Variants in TMEM106A observed in about 807,000 individuals in gnomAD.
TMEM106A encodes the protein transmembrane protein 106A.
Under a neutral mutation model 25.1 loss-of-function variants are expected in TMEM106A, and 22 were observed. The observed-to-expected ratio is 0.88, with a 90% CI of 0.63 to 1.25. TMEM106A has a LOEUF of 1.25. TMEM106A is among the 50% of genes most tolerant of loss of function. TMEM106A has a pLI of 0.00. For missense variants in TMEM106A, 275 were observed against 318.1 expected, an observed-to-expected ratio of 0.86 and a Z score of 1.03; for synonymous variants, 104 against 129.9, an observed-to-expected ratio of 0.80 and a Z score of 1.35.
intron 7 of TMEM106A, 138 bp downstream of exon 7, chr17:43,216,878 A>C: frequency 8.7e-7 from 1 of 1,145,236 alleles, no homozygotes. Flanking sequence ...AGAATGTAAT[A>C]AGCAAGGGTT....
rs546723157 is a variant in TMEM106A at position 43,219,471 on chromosome 17, T to C, written c.*1670T>C. 3 of 151,992 alleles carry C rather than the reference T, an allele frequency of 2.0e-5. No homozygotes were observed. The highest frequency in any genetic ancestry group is 2.9e-5 in the Non-Finnish European group (2 of 68,030). The allele number at this position is 151,992 out of a possible 1,614,324, so 9.4% of individuals were successfully genotyped here. A position where few individuals can be genotyped will look rare whatever the true frequency, so the allele number is the denominator to read the frequency against. ...TCTTACAGCTGGGTGCAGTGGTATA[T>C]ACCTGTAGTCCCAGCTACTCAGGAA... is the stretch of plus-strand genomic sequence containing the variant. On this transcript the variant is annotated 3_prime_UTR_variant, in exon 9 of 9. Coordinates refer to ENST00000612339, the MANE Select transcript of TMEM106A (RefSeq NM_145041.4).
chr17:43,215,251 G>GA (rs970224468), intron 4 of TMEM106A, among the ~76,000 whole-genome samples: 79 of 145,220 alleles, frequency 5.4e-4, no homozygotes, highest in African/African-American at 1.4e-3. Context: ...TCAAAAAAAA[G>GA]AAAAAAAAAA....
Position 43,219,732 on chromosome 17 carries a change from CAAA to C in TMEM106A, c.*1948_*1950del, listed in dbSNP as rs3051096. 10 of 110,172 alleles carry C rather than the reference CAAA, an allele frequency of 9.1e-5. No homozygotes were observed. Among genetic ancestry groups the C allele is most frequent in the Non-Finnish European group, 1.0e-4 (6 of 57,920 alleles). The allele number at this position is 110,172 out of a possible 1,614,324, so 6.8% of individuals were successfully genotyped here. A position where few individuals can be genotyped will look rare whatever the true frequency, so the allele number is the denominator to read the frequency against. ...GGGCAACAAGGGCGAGACTCTGTCTCAAAAAAAAAAAAAAAAAAAGATGGCTGT... is the reference window on the plus strand; with the variant it reads ...GGGCAACAAGGGCGAGACTCTGTCTCAAAAAAAAAAAAAAAAGATGGCTGT... On this transcript the variant is annotated 3_prime_UTR_variant, in exon 9 of 9. Transcript: ENST00000612339.
rs886771383 is a variant in TMEM106A, at chr17:43,218,134, T to G, written c.*333T>G. 1.6e-5 allele frequency: 4 copies of G among 254,144 alleles called. No homozygotes were observed. Among genetic ancestry groups the G allele is most frequent in the African/African-American group, 9.1e-5 (4 of 43,764 alleles). 15.7% of individuals were successfully genotyped at this position (254,144 alleles called of 1,614,324 possible). A position where few individuals can be genotyped will look rare whatever the true frequency, so the allele number is the denominator to read the frequency against. On this transcript the variant is annotated 3_prime_UTR_variant, in exon 9 of 9. Transcript: ENST00000612339. ...CCTGGGCTCAAGCGATCCTCCCTTCTTGGCCTCCCAAAGCACTTGGATTAC... is the reference window on the plus strand; with the variant it reads ...CCTGGGCTCAAGCGATCCTCCCTTCGTGGCCTCCCAAAGCACTTGGATTAC...
intron 7 of TMEM106A, 114 bp downstream of exon 7, chr17:43,216,854 C>A: frequency 7.2e-7 from 1 of 1,380,580 alleles, no homozygotes; most frequent in Non-Finnish European, 1.0e-6. Context: ...ATCTGGCCTG[C>A]CCTCCCATGG....
chr17:43,215,656 G>T (rs2057477866), intron 4 of TMEM106A, 132 bp from the exon 5 acceptor site: 1 of 945,078 alleles, frequency 1.1e-6, no homozygotes, highest in Non-Finnish European at 1.6e-6. Context: ...CACATCTGGG[G>T]AGCTAAATGT....
At chr17:43,217,214 C>T (rs1368093475) in intron 7 of TMEM106A, 45 bp from the exon 8 acceptor site, 2 of 1,604,602 alleles carry the variant, frequency 1.2e-6, no homozygotes, top group East Asian at 2.2e-5. Context: ...TGACAGGCTG[C>T]TCCATGTGAC....
chr17:43,217,852 C>T lies in TMEM106A; in HGVS notation c.*51C>T, dbSNP rs771216071. On this transcript the variant is annotated 3_prime_UTR_variant, in exon 9 of 9. Coordinates refer to ENST00000612339, the MANE Select transcript of TMEM106A (RefSeq NM_145041.4). ...GCACCTGCAACCCTGGTCTATATCT[C>T]CCACAACTCCCTGGTGACTAAGGAA... is the stretch of plus-strand genomic sequence containing the variant. 3 of 1,610,158 alleles carry T rather than the reference C, an allele frequency of 1.9e-6. No homozygotes were observed. Among genetic ancestry groups the T allele is most frequent in the South Asian group, 2.2e-5 (2 of 90,486 alleles).
At chr17:43,216,411 C>A (rs758876023) in intron 5 of TMEM106A, 38 bp from the exon 6 acceptor site, 1 of 1,605,838 alleles carries the variant, frequency 6.2e-7, no homozygotes, top group South Asian at 1.1e-5. Flanking sequence ...TAAGGATGGG[C>A]CATCTTCACT....
At chr17:43,213,934 T>C in intron 4 of TMEM106A, 43 bp downstream of exon 4, 1 of 1,589,790 alleles carries the variant, frequency 6.3e-7, no homozygotes, top group Non-Finnish European at 8.6e-7. Context: ...CCATTGCCCC[T>C]GGGGGCTGCT....
At chr17:43,212,134 G>GC (rs1263937628) in intron 1 of TMEM106A, 93 bp from the exon 2 acceptor site, 4 of 152,636 alleles carry the variant, frequency 2.6e-5, no homozygotes, top group Non-Finnish European at 4.4e-5. Flanking sequence ...CCATGGCAGA[G>GC]CCCCCATGTA....
chr17:43,217,574 G>C, intron 8 of TMEM106A, 107 bp from the exon 9 acceptor site: 5 of 1,534,256 alleles, frequency 3.3e-6, no homozygotes, highest in Admixed American at 2.0e-5. Flanking sequence ...GAGCCAGAGG[G>C]AAGGGCAAAT....
Position 43,218,281 on chromosome 17 carries a change from G to GA in TMEM106A, c.*482dup, listed in dbSNP as rs1011603078. On this transcript the variant is annotated 3_prime_UTR_variant, in exon 9 of 9. Transcript: ENST00000612339. ...TCTGTACTGAGCACCTGGTCAGTCT[G>GA]AAGGGGGCATTTCACCCCAGCTCCA... The GA allele has an allele frequency of 3.7e-5, 6 of 162,398 alleles. No individual in the cohort carries two copies. The highest frequency in any genetic ancestry group is 3.7e-4 in the Admixed American group (6 of 16,416). The allele number at this position is 162,398 out of a possible 1,614,324, so 10.1% of individuals were successfully genotyped here.
intron 4 of TMEM106A, among the ~76,000 whole-genome samples, chr17:43,214,477 T>C (rs1567875874): frequency 6.6e-6 from 1 of 152,214 alleles, no homozygotes. Flanking sequence ...GTTTTTCTTC[T>C]AGTAGAGATG....
Position 43,217,309 on chromosome 17 carries a change from T to A in TMEM106A, c.665T>A (p.Ile222Asn), listed in dbSNP as rs536256137. The A allele has an allele frequency of 6.2e-7, 1 of 1,614,222 alleles. No homozygotes were observed. Among genetic ancestry groups the A allele is most frequent in the Non-Finnish European group, 8.5e-7 (1 of 1,180,036 alleles). ...EIKVHHVLLH[I>N]QGTLTCSYLS... Reference sequence around the variant, plus strand: ...AAAGTCCACCATGTGCTTTTGCACATCCAGTAAGTAGAGCTTGGAGCTCTG... The same window carrying A: ...AAAGTCCACCATGTGCTTTTGCACAACCAGTAAGTAGAGCTTGGAGCTCTG... Residue 222 changes from isoleucine (I) to asparagine (N), a missense_variant, in exon 8 of 9, where the codon ATC (isoleucine) becomes AAC (asparagine). Transcript: ENST00000612339.
At chr17:43,213,805 C>G in intron 3 of TMEM106A, 23 bp from the exon 4 acceptor site, 1 of 1,613,606 alleles carries the variant, frequency 6.2e-7, no homozygotes, top group East Asian at 2.2e-5. Context: ...CTTGGCCCTC[C>G]CTCTCACCTT....
chr17:43,218,687 A>G lies in TMEM106A; in HGVS notation c.*886A>G, dbSNP rs1275239946. The G allele has an allele frequency of 6.6e-6, 1 of 152,210 alleles. No individual in the cohort carries two copies. Among genetic ancestry groups the G allele is most frequent in the Non-Finnish European group, 1.5e-5 (1 of 68,032 alleles). The allele number at this position is 152,210 out of a possible 1,614,324, so 9.4% of individuals were successfully genotyped here. A position where few individuals can be genotyped will look rare whatever the true frequency, so the allele number is the denominator to read the frequency against. On this transcript the variant is annotated 3_prime_UTR_variant, in exon 9 of 9. Transcript: ENST00000612339. ...AAAAAAGACTCTTTTCAAGTTTTCT[A>G]CCCTCTGATAAGAAAATTTGGGGAT...
chr17:43,214,027 C>A, intron 4 of TMEM106A, 136 bp downstream of exon 4: 1 of 850,028 alleles, frequency 1.2e-6, no homozygotes. Context: ...GAGGTACCAG[C>A]TCCTTACGTC....
In TMEM106A at chr17:43,218,012, T is replaced by C. The variant is rs1278893609; in HGVS notation, c.*211T>C. 1 of 652,986 alleles carries C rather than the reference T, an allele frequency of 1.5e-6. No homozygotes were observed. Among genetic ancestry groups the C allele is most frequent in the Non-Finnish European group, 2.5e-6 (1 of 400,956 alleles). The allele number at this position is 652,986 out of a possible 1,614,324, so 40.4% of individuals were successfully genotyped here. ...ATATCCTCCAGTTTCCCCCAGATTC[T>C]TTCAGGGGCTGCCATCAGATTCTGC... is the stretch of plus-strand genomic sequence containing the variant. On this transcript the variant is annotated 3_prime_UTR_variant, in exon 9 of 9. Transcript: ENST00000612339.
Sources: gnomAD v4.1 joint callset for allele counts (sites outside exome capture counted in the v4.1 genomes callset) on GRCh38, gnomAD v4.1.1 for gene constraint, MANE v1.5 for transcripts, NCBI Gene and HGNC (gene_info 2026-07-23, HGNC 2026-07-21) for gene names.